KLK15: variants seen among roughly 807,000 people sequenced by gnomAD.
KLK15 encodes the protein kallikrein related peptidase 15, also known as kallikrein-15.
A neutral mutation model predicts 21.1 loss-of-function variants in KLK15; 19 were observed. The ratio of observed to expected loss-of-function variants is 0.90; its 90% CI spans 0.63 to 1.32. The LOEUF is 1.32. Ranked by LOEUF, KLK15 falls within the 40% of genes most tolerant of loss-of-function variation. KLK15 has a pLI of 0.00. For missense variants in KLK15, 345 were observed against 348.6 expected, an observed-to-expected ratio of 0.99 and a Z score of 0.08; for synonymous variants, 141 against 141.5, an observed-to-expected ratio of 1.00 and a Z score of 0.03.
At chr19:50,827,292 C>G (rs774096382) in intron 2 of KLK15, 131 bp from the exon 4 acceptor site, 31 of 890,894 alleles carry the variant, frequency 3.5e-5, no homozygotes, top group Non-Finnish European at 4.6e-5. Context: ...ATCCCATTAC[C>G]TTTTCCCAAG....
At position 50,826,342 on chromosome 19, in the gene KLK15, C is replaced by T. The variant is rs891850676; in HGVS notation, c.618+279G>A. The T allele has an allele frequency of 5.6e-5, 26 of 468,028 alleles. 1 individual carries two copies. Among genetic ancestry groups the T allele is most frequent in the Admixed American group, 5.4e-4 (14 of 25,858 alleles). The allele number at this position is 468,028 out of a possible 1,614,324, so 29.0% of individuals were successfully genotyped here. On this transcript the variant is annotated intron_variant, in intron 4 of 4. Transcript: ENST00000598239. ...CTACCTCATCCCAATTCAACCCTGA[C>T]GTATTTCCCACCCAGAATCAAACCA...
intron 3 of KLK15, 46 bp from the exon 5 acceptor site, chr19:50,826,803 T>C: frequency 6.3e-7 from 1 of 1,586,182 alleles, no homozygotes; most frequent in South Asian, 1.2e-5. Flanking sequence ...ATTCCGGCCC[T>C]TGTCCCCTCC....
intron 4 of KLK15, 183 bp downstream of exon 5, chr19:50,826,438 G>A (rs143293994): frequency 2.3e-5 from 14 of 612,806 alleles, no homozygotes; most frequent in Admixed American, 3.6e-5. Flanking sequence ...CTCAAACAAC[G>A]CAATCCCCAC....
upstream of KLK15, among the ~76,000 whole-genome samples, chr19:50,832,322 C>CT (rs773163899): frequency 0.077 from 8,459 of 109,318 alleles, 478 homozygotes; most frequent in African/African-American, 0.094. Flanking sequence ...CTTTTTTTTT[C>CT]TTTTTTTTTT....
At chr19:50,831,262 C>T (rs1258784188) in intron 1 of KLK15, 188 bp downstream of exon 2, 6 of 424,130 alleles carry the variant, frequency 1.4e-5, no homozygotes, top group East Asian at 7.4e-5. Flanking sequence ...GGCAACATAG[C>T]GACTCCAGAG....
intron 1 of KLK15, among the ~76,000 whole-genome samples, chr19:50,829,726 A>G (rs2089949527): frequency 6.6e-6 from 1 of 151,878 alleles, no homozygotes; most frequent in Non-Finnish European, 1.5e-5. Context: ...AGGCAGAGAC[A>G]GAATTGCTTG....
At chr19:50,831,655 C>A, upstream of KLK15, 2 of 479,012 alleles carry the variant, frequency 4.2e-6, no homozygotes, top group Non-Finnish European at 7.1e-6. Flanking sequence ...TCCCCCAACC[C>A]CACTCTGCGC....
chr19:50,828,273 C>A (rs1267696003), intron 1 of KLK15, among the ~76,000 whole-genome samples: 2 of 151,498 alleles, frequency 1.3e-5, no homozygotes, highest in Non-Finnish European at 3.0e-5. Context: ...ACAACCGCTG[C>A]CTGTTTTCTC....
Position 50,825,820 on chromosome 19 carries a change from G to A in KLK15, c.747C>T (p.Ile249=), listed in dbSNP as rs1334342994. 3 of 1,613,936 alleles carry A rather than the reference G, an allele frequency of 1.9e-6. No individual in the cohort carries two copies. In the Admixed American group the frequency reaches 5.0e-5, roughly 27 times the overall value. Reference sequence around the variant, plus strand: ...GTCAGTTCCTCTTCATGGTTTCCCTGATCCACTCCAAGTAGTGGCAGACTT... The same window carrying A: ...GTCAGTTCCTCTTCATGGTTTCCCTAATCCACTCCAAGTAGTGGCAGACTT... The change falls in exon 5 of 5, where the codon ATC becomes ATT. Residue 249 remains isoleucine, a synonymous_variant. Transcript: ENST00000598239.
At chr19:50,826,177 C>A in intron 4 of KLK15, 1 of 522,066 alleles carries the variant, frequency 1.9e-6, no homozygotes, top group Non-Finnish European at 3.4e-6. Flanking sequence ...TATCCAATCT[C>A]ACCCCCATGC....
rs567161132 is a variant in KLK15, at chr19:50,827,619, C to G, written c.197+43G>C. 6.9e-6 allele frequency: 11 copies of G among 1,591,252 alleles called. 1 individual carries two copies. In the East Asian group the frequency reaches 1.1e-4, roughly 16 times the overall value. On this transcript the variant is annotated intron_variant, in intron 2 of 4. Coordinates refer to ENST00000598239, the Ensembl canonical transcript of KLK15. ...CCCCCAAATCTAGGAGCTCTTCCCC[C>G]CGAACCAGGCTCCCTCAGGACCCTG...
exon 3 of KLK15, chr19:50,826,983 C>T: frequency 6.2e-7 from 1 of 1,606,254 alleles, no homozygotes; most frequent in South Asian, 1.1e-5. Flanking sequence ...GTGGGTAGCA[C>T]CGCGGGGCGC....
exon 3 of KLK15, chr19:50,827,114 C>G: frequency 6.2e-7 from 1 of 1,603,102 alleles, no homozygotes; most frequent in Non-Finnish European, 8.5e-7. Flanking sequence ...TTGCTCTGGG[C>G]CATCGCGCTT....
At chr19:50,827,235 C>T in intron 2 of KLK15, 74 bp from the exon 4 acceptor site, 1 of 1,440,538 alleles carries the variant, frequency 6.9e-7, no homozygotes, top group Non-Finnish European at 9.3e-7. Flanking sequence ...ACAGAAAGAT[C>T]AAAGAGTGGG....
chr19:50,827,092 CGT>C lies in KLK15; in HGVS notation c.265_266del (p.Thr89ValfsTer92). 6.2e-7 allele frequency: 1 copy of C among 1,605,830 alleles called. No homozygotes were observed. Among genetic ancestry groups the C allele is most frequent in the Non-Finnish European group, 8.5e-7 (1 of 1,179,894 alleles). ...AGCGCGGGTGTGGAATGACCCGAGA[CGT>C]GGTCCGTAGTTGCTCTGGGCCATCG... On this transcript the variant is annotated frameshift_variant, in exon 3 of 5. Coordinates refer to ENST00000598239, the Ensembl canonical transcript of KLK15. LOFTEE classifies it high-confidence loss of function.
chr19:50,832,561 G>T (rs545223297), upstream of KLK15, among the ~76,000 whole-genome samples: 1 of 131,736 alleles, frequency 7.6e-6, no homozygotes, highest in South Asian at 2.4e-4. Context: ...GACCTCTAGT[G>T]ATCCACCCGC....
At chr19:50,832,354 G>C (rs2090005847), upstream of KLK15, among the ~76,000 whole-genome samples, 1 of 137,364 alleles carries the variant, frequency 7.3e-6, no homozygotes, top group African/African-American at 2.8e-5. Context: ...ACGGAGTCTG[G>C]CTCTGTAGCC....
At chr19:50,827,244 G>GTCATTTGTGGCAGAACGTTAATGGAA in intron 2 of KLK15, 83 bp from the exon 4 acceptor site, 1 of 1,348,322 alleles carries the variant, frequency 7.4e-7, no homozygotes, top group Non-Finnish European at 1.0e-6. Flanking sequence ...TCAAAGAGTG[G>GTCATTTGTGGCAGAACGTTAATGGAA]GCAACCCGAG....
At chr19:50,827,248 A>AACGTTAATGGAAGTCCACC in intron 2 of KLK15, 87 bp from the exon 4 acceptor site, 1 of 1,275,570 alleles carries the variant, frequency 7.8e-7, no homozygotes, top group Non-Finnish European at 1.1e-6. Flanking sequence ...AGAGTGGGCA[A>AACGTTAATGGAAGTCCACC]CCCGAGGTCT....
Sources: gnomAD v4.1 joint callset for allele counts (sites outside exome capture counted in the v4.1 genomes callset) on GRCh38, gnomAD v4.1.1 for gene constraint, MANE v1.5 for transcripts, NCBI Gene and HGNC (gene_info 2026-07-23, HGNC 2026-07-21) for gene names.